Variants in ABCA6 observed in about 807,000 individuals in gnomAD.
The protein encoded by ABCA6 is ATP-binding cassette sub-family A member 6.
ABCA6 carries 164 observed loss-of-function variants against 191.2 expected under a neutral mutation model. That is an observed-to-expected ratio of 0.86 (90% CI 0.76 to 0.98). The LOEUF (loss-of-function observed/expected upper bound fraction) is 0.98. ABCA6 is among the 50% of genes least tolerant of loss of function. ABCA6 has a pLI of 0.00. For missense variants in ABCA6, 1,958 were observed against 1,894.1 expected, an observed-to-expected ratio of 1.03 and a Z score of -0.63; for synonymous variants, 636 against 647.7, an observed-to-expected ratio of 0.98 and a Z score of 0.27.
In ABCA6 at chr17:69,099,034, T is replaced by C. The variant is rs145714098; in HGVS notation, c.3013-1007A>G. Among the ~76,000 whole-genome samples, 312 of 152,256 alleles carry C rather than the reference T, an allele frequency of 2.0e-3. 1 individual carries two copies. The highest frequency in any genetic ancestry group is 3.5e-3 in the Non-Finnish European group (235 of 68,014). ...TTCAGGCCTGAGTAGCACGTCTTTC[T>C]GAGCAAACCCAGAGATGGAAACCTC... On this transcript the variant is annotated intron_variant, in intron 22 of 38. Coordinates refer to ENST00000284425, the MANE Select transcript of ABCA6 (RefSeq NM_080284.3).
intron 36 of ABCA6, among the ~76,000 whole-genome samples, chr17:69,081,349 CA>C (rs2072630450): frequency 6.6e-6 from 1 of 152,172 alleles, no homozygotes; most frequent in South Asian, 2.1e-4. Flanking sequence ...GGTAATAACT[CA>C]GCATAATTAT....
At position 69,113,234 on chromosome 17, in the gene ABCA6, C is replaced by G. The variant is rs778606389; in HGVS notation, c.2029G>C (p.Asp677His). 1 of 1,602,996 alleles carries G rather than the reference C, an allele frequency of 6.2e-7. No homozygotes were observed. The highest frequency in any genetic ancestry group is 2.3e-5 in the East Asian group (1 of 44,118). ...LFSTQSMDEA[D>H]ILADRKVIMS... is the part of the protein sequence containing the mutation. ...AACCAACAATTACCAGCCAGGATGT[C>G]AGCCTCATCCATGGACTGGGTACTG... is the stretch of plus-strand genomic sequence containing the variant. The change falls in exon 15 of 39, where the codon GAC (aspartate) becomes CAC (histidine). Residue 677 changes from aspartate (D) to histidine (H), a missense_variant. Transcript: ENST00000284425.
At chr17:69,100,742 C>T (rs776468804) in intron 22 of ABCA6, 55 bp downstream of exon 22, 33 of 1,487,398 alleles carry the variant, frequency 2.2e-5, no homozygotes, top group Non-Finnish European at 2.8e-5. Flanking sequence ...AGAGAGAAAA[C>T]ATAGGCTATT....
chr17:69,102,727 G>T, intron 21 of ABCA6, 108 bp downstream of exon 21: 2 of 1,038,042 alleles, frequency 1.9e-6, no homozygotes, highest in Non-Finnish European at 2.7e-6. Flanking sequence ...AACCCAGAAT[G>T]TTTTTCTGAG....
intron 32 of ABCA6, 79 bp from the exon 33 acceptor site, chr17:69,084,586 T>G: frequency 8.1e-7 from 1 of 1,236,414 alleles, no homozygotes; most frequent in Non-Finnish European, 1.2e-6. Flanking sequence ...GTAACAGCAT[T>G]AGAGGGAAGT....
chr17:69,097,201 G>C (rs535096584), intron 23 of ABCA6, among the ~76,000 whole-genome samples: 2 of 152,232 alleles, frequency 1.3e-5, no homozygotes, highest in Non-Finnish European at 2.9e-5. Context: ...GGCCATCCTG[G>C]CTAACATGGT....
intron 5 of ABCA6, among the ~76,000 whole-genome samples, chr17:69,134,374 G>C (rs2073915425): frequency 6.6e-6 from 1 of 152,084 alleles, no homozygotes. Context: ...GGCAGTTTTT[G>C]CTCTCCATTC....
Position 69,115,496 on chromosome 17 carries a change from G to A in ABCA6, c.1496-10C>T, listed in dbSNP as rs1419952658. On this transcript the variant is annotated splice_polypyrimidine_tract_variant and intron_variant, in intron 11 of 38. Coordinates refer to ENST00000284425, the MANE Select transcript of ABCA6 (RefSeq NM_080284.3). ...ATGTCAAAGAGCAAGCCTATTTTTA[G>A]AACAAATTGTTAACAAATTATTAAC... 1 of 1,596,852 alleles carries A rather than the reference G, an allele frequency of 6.3e-7. No homozygotes were observed. Among genetic ancestry groups the A allele is most frequent in the Admixed American group, 1.7e-5 (1 of 59,358 alleles).
At chr17:69,089,890 G>C (rs529240462) in intron 26 of ABCA6, among the ~76,000 whole-genome samples, 1 of 152,254 alleles carries the variant, frequency 6.6e-6, no homozygotes, top group African/African-American at 2.4e-5. Flanking sequence ...TGCTGGCACT[G>C]GTAAAATTTC....
chr17:69,132,666 G>C (rs1424783331), intron 6 of ABCA6, among the ~76,000 whole-genome samples: 2 of 152,166 alleles, frequency 1.3e-5, no homozygotes, highest in African/African-American at 4.8e-5. Flanking sequence ...TTGTAGTAGA[G>C]ATGGGGTTTC....
At chr17:69,107,883 T>C in intron 17 of ABCA6, 71 bp from the exon 18 acceptor site, 1 of 898,908 alleles carries the variant, frequency 1.1e-6, no homozygotes, top group Non-Finnish European at 1.8e-6. Context: ...AATTAATACT[T>C]ATTTAAAAGA....
chr17:69,093,377 A>G (rs1386935796), intron 25 of ABCA6, among the ~76,000 whole-genome samples: 2 of 152,222 alleles, frequency 1.3e-5, no homozygotes, highest in African/African-American at 4.8e-5. Context: ...AACATTAACC[A>G]TATCTACTTC....
At position 69,096,373 on chromosome 17, in the gene ABCA6, T is replaced by C. The variant is rs2073045700; in HGVS notation, c.3295-20A>G. On this transcript the variant is annotated intron_variant, in intron 24 of 38. Transcript: ENST00000284425. ...TATAACCTGAGCATAAAAGAAATAA[T>C]AACATAGTCAAAAAATCAAATATTA... The C allele has an allele frequency of 1.6e-6, 2 of 1,288,342 alleles. No individual in the cohort carries two copies. The highest frequency in any genetic ancestry group is 2.7e-5 in the Admixed American group (1 of 37,532). 79.8% of individuals were successfully genotyped at this position (1,288,342 alleles called of 1,614,324 possible).
intron 11 of ABCA6, among the ~76,000 whole-genome samples, chr17:69,117,492 T>C (rs1190258147): frequency 1.3e-5 from 2 of 152,070 alleles, no homozygotes; most frequent in African/African-American, 2.4e-5. Flanking sequence ...ATTTAATTCA[T>C]AGTCAATGGT....
intron 2 of ABCA6, among the ~76,000 whole-genome samples, chr17:69,140,313 AT>A (rs1183196883): frequency 6.6e-6 from 1 of 151,620 alleles, no homozygotes; most frequent in African/African-American, 2.4e-5. Context: ...TTCTGACAAC[AT>A]TTTTTTTGTA....
intron 21 of ABCA6, among the ~76,000 whole-genome samples, chr17:69,101,251 T>C (rs1272869716): frequency 6.6e-6 from 1 of 152,166 alleles, no homozygotes; most frequent in East Asian, 1.9e-4. Context: ...TTTCATTTAG[T>C]AGAGTTTAAA....
chr17:69,119,592 C>T (rs946368392), intron 10 of ABCA6, among the ~76,000 whole-genome samples: 1 of 152,042 alleles, frequency 6.6e-6, no homozygotes, highest in East Asian at 1.9e-4. Flanking sequence ...CCACATGAAG[C>T]AGCCACTCAT....
intron 29 of ABCA6, 64 bp downstream of exon 29, chr17:69,087,284 TATCAA>T: frequency 6.4e-7 from 1 of 1,570,010 alleles, no homozygotes. Flanking sequence ...AAACCCAGTG[TATCAA>T]ATCCTGCTCT....
At chr17:69,093,121 T>C (rs1170729112) in intron 25 of ABCA6, among the ~76,000 whole-genome samples, 1 of 152,218 alleles carries the variant, frequency 6.6e-6, no homozygotes, top group Non-Finnish European at 1.5e-5. Context: ...AGTTTATTCC[T>C]GAGCCTGTCA....
Sources: allele counts gnomAD v4.1 joint callset (sites outside exome capture counted in the v4.1 genomes callset), GRCh38; gene constraint gnomAD v4.1.1; transcripts MANE v1.5; gene names NCBI Gene and HGNC (gene_info 2026-07-23, HGNC 2026-07-21).